The following SLIT3 variants were observed in gnomAD, a reference collection of about 807,000 sequenced individuals.
The protein encoded by SLIT3 is slit guidance ligand 3, also known as slit homolog 3 protein.
A neutral mutation model predicts 184.0 loss-of-function variants in SLIT3; 68 were observed. The observed-to-expected ratio is 0.37, with a 90% CI of 0.30 to 0.45. The LOEUF is 0.45. SLIT3 is among the 20% of genes least tolerant of loss of function. The pLI, the probability that SLIT3 is intolerant of heterozygous loss-of-function variation, is 1.00. For missense variants in SLIT3, 1,707 were observed against 2,026.0 expected (o/e 0.84, Z 3.02); for synonymous variants, 831 against 828.6 (o/e 1.00, Z -0.05).
At chr5:168,825,894 C>A (rs1194803257) in intron 6 of SLIT3, among the ~76,000 whole-genome samples, 1 of 152,200 alleles carries the variant, frequency 6.6e-6, no homozygotes, top group Non-Finnish European at 1.5e-5. Flanking sequence ...CACCTTCTGT[C>A]CATTTCAGAG....
At chr5:169,079,042 CT>C (rs1450774686) in intron 4 of SLIT3, among the ~76,000 whole-genome samples, 1 of 152,170 alleles carries the variant, frequency 6.6e-6, no homozygotes, top group Non-Finnish European at 1.5e-5. Flanking sequence ...AAAATTCAGT[CT>C]CTGCCTTTAG....
rs557440670 is a variant in SLIT3 at position 169,192,433 on chromosome 5, G to GTGTGTA, written c.413+1045_413+1046insTACACA. 4.0e-3 allele frequency among the ~76,000 whole-genome samples: 608 copies of GTGTGTA among 151,750 alleles called. 4 individuals are homozygous for GTGTGTA. The highest frequency in any genetic ancestry group is 0.021 in the Middle Eastern group (6 of 292). Reference sequence around the variant, plus strand: ...TTATGTATATAGTCTCTGTGTGTGTGTGTGTGTGTGTGTGTGTGTGTGTAT... The same window carrying GTGTGTA: ...TTATGTATATAGTCTCTGTGTGTGTGTGTGTATGTGTGTGTGTGTGTGTGTGTGTAT... On this transcript the variant is annotated intron_variant, in intron 4 of 35. Coordinates refer to ENST00000519560, the MANE Select transcript of SLIT3 (RefSeq NM_003062.4).
rs1581084872 is a variant in SLIT3 at position 168,789,729 on chromosome 5, A to G, written c.1008-98T>C. On this transcript the variant is annotated intron_variant, in intron 10 of 35. Coordinates refer to ENST00000519560, the MANE Select transcript of SLIT3 (RefSeq NM_003062.4). ...AAGCATTTCAGACATTCAAAATGGT[A>G]AGGATTAATCAATCAATCAAGCAAT... is the stretch of plus-strand genomic sequence containing the variant. 6 of 890,736 alleles carry G rather than the reference A, an allele frequency of 6.7e-6. No homozygotes were observed. The East Asian group carries it at 1.0e-4, about 16-fold the overall frequency. The allele number at this position is 890,736 out of a possible 1,614,324, so 55.2% of individuals were successfully genotyped here.
intron 14 of SLIT3, among the ~76,000 whole-genome samples, chr5:168,765,550 G>A (rs910690192): frequency 3.3e-5 from 5 of 152,114 alleles, no homozygotes; most frequent in African/African-American, 9.7e-5. Context: ...TTTCATTACC[G>A]AAACTACTCA....
In SLIT3 at chr5:169,195,999, C is replaced by A. The variant is rs1763730455; in HGVS notation, c.342-2449G>T. ...GAACAACTAATCTCCAGAACTTTTT[C>A]ATCTTGCAAAACCGAAATTCTGTCC... On this transcript the variant is annotated intron_variant, in intron 3 of 35. Coordinates refer to ENST00000519560, the MANE Select transcript of SLIT3 (RefSeq NM_003062.4). Among the ~76,000 whole-genome samples, 8 of 152,250 alleles carry A rather than the reference C, an allele frequency of 5.3e-5. No homozygotes were observed. In the South Asian group the frequency reaches 1.2e-3, roughly 24 times the overall value.
At chr5:168,925,954 C>T (rs1463156242) in intron 4 of SLIT3, among the ~76,000 whole-genome samples, 5 of 152,234 alleles carry the variant, frequency 3.3e-5, no homozygotes, top group Non-Finnish European at 5.9e-5. Context: ...ATCCTGGAAT[C>T]TCCACTGTTT....
chr5:168,919,298 A>G (rs1045836874), intron 4 of SLIT3, among the ~76,000 whole-genome samples: 3 of 152,060 alleles, frequency 2.0e-5, no homozygotes, highest in Non-Finnish European at 4.4e-5. Flanking sequence ...ATATACAAAC[A>G]AAATGATGTT....
At chr5:169,207,380 C>T (rs1435172711) in intron 3 of SLIT3, among the ~76,000 whole-genome samples, 186 of 148,344 alleles carry the variant, frequency 1.3e-3, no homozygotes, top group East Asian at 0.011. Context: ...TACACACACA[C>T]ACACACACAC....
intron 5 of SLIT3, among the ~76,000 whole-genome samples, chr5:168,865,100 G>A (rs371311096): frequency 6.7e-6 from 1 of 148,468 alleles, no homozygotes; most frequent in Non-Finnish European, 1.5e-5. Context: ...CCTGGGAGGC[G>A]AGGCGGAGGT....
intron 4 of SLIT3, among the ~76,000 whole-genome samples, chr5:169,065,823 AC>A (rs1335157528): frequency 6.6e-6 from 1 of 152,274 alleles, no homozygotes; most frequent in East Asian, 1.9e-4. Context: ...GGTGAGGGAG[AC>A]CTTTATGATT....
intron 4 of SLIT3, among the ~76,000 whole-genome samples, chr5:168,892,999 C>T (rs1760524155): frequency 1.3e-5 from 2 of 152,192 alleles, no homozygotes; most frequent in African/African-American, 4.8e-5. Context: ...GTTCCAACCA[C>T]AGGCGTCTGA....
At chr5:168,888,977 G>C (rs1231147273) in intron 4 of SLIT3, among the ~76,000 whole-genome samples, 1 of 152,118 alleles carries the variant, frequency 6.6e-6, no homozygotes, top group African/African-American at 2.4e-5. Flanking sequence ...AAAATTTCCT[G>C]TACTCTCAAT....
At chr5:168,978,433 G>GCTTTC (rs1581263452) in intron 4 of SLIT3, among the ~76,000 whole-genome samples, 1 of 152,130 alleles carries the variant, frequency 6.6e-6, no homozygotes, top group South Asian at 2.1e-4. Flanking sequence ...AGAGCCTTGG[G>GCTTTC]CTTTCCTTTC....
At chr5:168,956,669 CT>C (rs1311268784) in intron 4 of SLIT3, among the ~76,000 whole-genome samples, 1 of 151,908 alleles carries the variant, frequency 6.6e-6, no homozygotes, top group African/African-American at 2.4e-5. Context: ...TGGCGGGCGC[CT>C]GTAGTCCAGC....
intron 4 of SLIT3, among the ~76,000 whole-genome samples, chr5:168,966,097 A>G (rs1763180893): frequency 6.6e-6 from 1 of 152,186 alleles, no homozygotes; most frequent in Admixed American, 6.5e-5. Flanking sequence ...ACCTTCCGGG[A>G]AAAAATAGGC....
chr5:168,949,512 C>A (rs1762584246), intron 4 of SLIT3, among the ~76,000 whole-genome samples: 1 of 152,208 alleles, frequency 6.6e-6, no homozygotes, highest in Non-Finnish European at 1.5e-5. Context: ...TGTGCTGTGA[C>A]TAGATACACA....
chr5:168,999,647 C>T (rs1581283400), intron 4 of SLIT3, among the ~76,000 whole-genome samples: 1 of 152,204 alleles, frequency 6.6e-6, no homozygotes, highest in African/African-American at 2.4e-5. Flanking sequence ...TGGACAGTGT[C>T]CCTATAGGGT....
chr5:169,158,984 T>TA (rs1369042331), intron 4 of SLIT3, among the ~76,000 whole-genome samples: 3 of 152,120 alleles, frequency 2.0e-5, no homozygotes, highest in Admixed American at 2.0e-4. Flanking sequence ...ATATGCCAAT[T>TA]AAAAAACAGA....
intron 1 of SLIT3, among the ~76,000 whole-genome samples, chr5:169,255,758 C>T (rs1350079651): frequency 6.6e-6 from 1 of 152,070 alleles, no homozygotes; most frequent in Non-Finnish European, 1.5e-5. Flanking sequence ...TGGCGGGTGC[C>T]TGTTGTCCCA....
Sources: allele counts gnomAD v4.1 joint callset (sites outside exome capture counted in the v4.1 genomes callset), GRCh38; gene constraint gnomAD v4.1.1; transcripts MANE v1.5; gene names NCBI Gene and HGNC (gene_info 2026-07-23, HGNC 2026-07-21).